Variants in ATP2A3 observed in about 807,000 individuals in gnomAD.
The protein encoded by ATP2A3 is ATPase sarcoplasmic/endoplasmic reticulum Ca2+ transporting 3.
A neutral mutation model predicts 106.8 loss-of-function variants in ATP2A3; 61 were observed. That is an observed-to-expected ratio of 0.57 (90% CI 0.46 to 0.71). The LOEUF is 0.71. ATP2A3 is among the 30% of genes least tolerant of loss of function. ATP2A3 has a pLI of 0.00. For missense variants in ATP2A3, 1,201 were observed against 1,423.5 expected, an observed-to-expected ratio of 0.84 and a Z score of 2.52; for synonymous variants, 611 against 609.3, an observed-to-expected ratio of 1.00 and a Z score of -0.04.
chr17:3,941,594 G>A lies in ATP2A3; in HGVS notation c.1606C>T (p.Pro536Ser), dbSNP rs777441630. The A allele has an allele frequency of 9.5e-5, 154 of 1,612,636 alleles. No individual in the cohort carries two copies. Among genetic ancestry groups the A allele is most frequent in the Non-Finnish European group, 1.2e-4 (139 of 1,180,026 alleles). The change falls in exon 13 of 21, where the codon CCC becomes TCC. Residue 536 changes from proline to serine, a missense_variant. Transcript: ENST00000397041. ...SSVRVGSRTA[P>S]LTPTSREQIL... ...TGCTCCCTGGAGGTGGGGGTCAGGG[G>A]TGCTGTGCGGCTCCCCACGCGGACT...
chr17:3,924,786 T>C lies in ATP2A3; in HGVS notation c.*636A>G, dbSNP rs775180868. ...CTCCTTGTGTCCGTCTCTCTGACCCTTCACCCGCCCGGGCCCTGCACATAT... is the reference window on the plus strand; with the variant it reads ...CTCCTTGTGTCCGTCTCTCTGACCCCTCACCCGCCCGGGCCCTGCACATAT... On this transcript the variant is annotated 3_prime_UTR_variant, in exon 21 of 21. Coordinates refer to ENST00000397041, the MANE Select transcript of ATP2A3 (RefSeq NM_005173.4). The surrounding 1 kb of genome is among the most constrained non-coding windows in gnomAD (Gnocchi z 6.4). 34 of 456,498 alleles carry C rather than the reference T, an allele frequency of 7.4e-5. No individual in the cohort carries two copies. The highest frequency in any genetic ancestry group is 1.4e-4 in the Admixed American group (6 of 42,548). The allele number at this position is 456,498 out of a possible 1,614,324, so 28.3% of individuals were successfully genotyped here. A position where few individuals can be genotyped will look rare whatever the true frequency, so the allele number is the denominator to read the frequency against.
rs1475848096 is a variant in ATP2A3, at chr17:3,964,403, A to G, written c.-112T>C. The G allele has an allele frequency of 1.2e-5, 6 of 485,724 alleles. No homozygotes were observed. The highest frequency in any genetic ancestry group is 5.6e-6 in the Non-Finnish European group (2 of 359,996). 30.1% of individuals were successfully genotyped at this position (485,724 alleles called of 1,614,324 possible). On this transcript the variant is annotated 5_prime_UTR_variant, in exon 1 of 21. It removes an upstream start codon present in the reference 5' UTR. Transcript: ENST00000397041. ...GCCCGGGCGGGCGCCGCGCGAGGCCATGTCCGTGCTGGGACCTTACCCGAC... is the reference window on the plus strand; with the variant it reads ...GCCCGGGCGGGCGCCGCGCGAGGCCGTGTCCGTGCTGGGACCTTACCCGAC...
Position 3,924,792 on chromosome 17 carries a change from C to G in ATP2A3, c.*630G>C, listed in dbSNP as rs1043246. On this transcript the variant is annotated 3_prime_UTR_variant, in exon 21 of 21. Coordinates refer to ENST00000397041, the MANE Select transcript of ATP2A3 (RefSeq NM_005173.4). This position sits in a 1 kb window ranked among gnomAD's most constrained non-coding sequence, Gnocchi z 6.4. ...GTGTCCGTCTCTCTGACCCTTCACC[C>G]GCCCGGGCCCTGCACATATAAACAG... 82,714 of 456,482 alleles carry G rather than the reference C, an allele frequency of 0.18. 9,763 individuals carry two copies. The highest frequency in any genetic ancestry group is 0.46 in the East Asian group (6,652 of 14,354). 28.3% of individuals were successfully genotyped at this position (456,482 alleles called of 1,614,324 possible). A position where few individuals can be genotyped will look rare whatever the true frequency, so the allele number is the denominator to read the frequency against.
Position 3,964,362 on chromosome 17 carries a change from G to T in ATP2A3, c.-71C>A. 3 of 908,840 alleles carry T rather than the reference G, an allele frequency of 3.3e-6. No individual in the cohort carries two copies. Among genetic ancestry groups the T allele is most frequent in the Non-Finnish European group, 4.1e-6 (3 of 733,684 alleles). The allele number at this position is 908,840 out of a possible 1,614,324, so 56.3% of individuals were successfully genotyped here. On this transcript the variant is annotated 5_prime_UTR_variant, in exon 1 of 21. Coordinates refer to ENST00000397041, the MANE Select transcript of ATP2A3 (RefSeq NM_005173.4). The stretch of plus-strand genomic sequence containing the variant: ...TCTCCGCCGGGGGGCTACAAAGCGG[G>T]GCGCGGGGGACTCGGGCCCGGGCGG...
Position 3,925,513 on chromosome 17 carries a change from C to A in ATP2A3, c.2981-72G>T. The A allele has an allele frequency of 6.5e-7, 1 of 1,543,862 alleles. No homozygotes were observed. Among genetic ancestry groups the A allele is most frequent in the Non-Finnish European group, 8.8e-7 (1 of 1,139,884 alleles). On this transcript the variant is annotated intron_variant, in intron 20 of 20. Coordinates refer to ENST00000397041, the MANE Select transcript of ATP2A3 (RefSeq NM_005173.4). The surrounding 1 kb of genome is among the most constrained non-coding windows in gnomAD (Gnocchi z 4.2). Reference sequence around the variant, plus strand: ...CACATCCAGACAGCTTCCTTCCAGCCCCTTCCATCCTCCACTTCTCCCAGG... The same window carrying A: ...CACATCCAGACAGCTTCCTTCCAGCACCTTCCATCCTCCACTTCTCCCAGG...
intron 12 of ATP2A3, 63 bp from the exon 13 acceptor site, chr17:3,941,717 C>T (rs2053791026): frequency 2.5e-5 from 39 of 1,544,954 alleles, no homozygotes; most frequent in Non-Finnish European, 3.3e-5. Context: ...CTCCTTCCTG[C>T]CCAAACTCAG....
rs186703486 is a variant in ATP2A3, at chr17:3,948,440, A to T, written c.631-585T>A. Among the ~76,000 whole-genome samples, 12 of 152,252 alleles carry T rather than the reference A, an allele frequency of 7.9e-5. 1 individual carries two copies. Among genetic ancestry groups the T allele is most frequent in the African/African-American group, 2.9e-4 (12 of 41,552 alleles). On this transcript the variant is annotated intron_variant, in intron 7 of 20. Transcript: ENST00000397041. ...AAGAACCTGGTGCCCCTTCAAATGC[A>T]TATGCTGTTGGGGCTGGCGAGAAGG... is the stretch of plus-strand genomic sequence containing the variant.
rs1386503334 is a variant in ATP2A3 at position 3,936,742 on chromosome 17, A to ACACACACACACACACG, written c.2322-274_2322-273insCGTGTGTGTGTGTGTG. ...CAAGTACACACACACACACACACAC[A>ACACACACACACACACG]CACACACACACACGCACACGAAGAG... is the stretch of plus-strand genomic sequence containing the variant. On this transcript the variant is annotated intron_variant, in intron 15 of 20. Transcript: ENST00000397041. The surrounding 1 kb of genome is among the most constrained non-coding windows in gnomAD (Gnocchi z 5.4). The ACACACACACACACACG allele has an allele frequency of 1.0e-5, 5 of 499,928 alleles. No individual in the cohort carries two copies. Among genetic ancestry groups the ACACACACACACACACG allele is most frequent in the Non-Finnish European group, 1.8e-5 (5 of 273,284 alleles). The allele number at this position is 499,928 out of a possible 1,614,324, so 31.0% of individuals were successfully genotyped here.
rs202180297 is a variant in ATP2A3, at chr17:3,950,679, G to C, written c.544+14C>G. ...CTGGCCCACTAGGTCCCGGCCTCCTGGGGGGGGCCTCACCCGTCAGGATGG... is the reference window on the plus strand; with the variant it reads ...CTGGCCCACTAGGTCCCGGCCTCCTCGGGGGGGCCTCACCCGTCAGGATGG... On this transcript the variant is annotated intron_variant, in intron 6 of 20. Transcript: ENST00000397041. 1.3e-5 allele frequency: 21 copies of C among 1,610,102 alleles called. No homozygotes were observed. Among genetic ancestry groups the C allele is most frequent in the South Asian group, 3.3e-5 (3 of 90,816 alleles).
At chr17:3,958,887 C>CACACATAT (rs1354215003) in intron 1 of ATP2A3, among the ~76,000 whole-genome samples, 1,473 of 99,900 alleles carry the variant, frequency 0.015, 172 homozygotes, top group African/African-American at 0.065. Context: ...CACACACACA[C>CACACATAT]ATATATATAT....
chr17:3,951,661 C>T lies in ATP2A3; in HGVS notation c.244G>A (p.Glu82Lys), dbSNP rs763249532. 148 of 1,610,570 alleles carry T rather than the reference C, an allele frequency of 9.2e-5. No homozygotes were observed. Among genetic ancestry groups the T allele is most frequent in the Admixed American group, 5.0e-4 (30 of 59,722 alleles). Residue 82 changes from glutamate to lysine, a missense_variant, in exon 4 of 21, where the codon GAG (glutamate) becomes AAG (lysine). Glu to Lys is a moderately conservative substitution (Grantham distance 56). Coordinates refer to ENST00000397041, the MANE Select transcript of ATP2A3 (RefSeq NM_005173.4). ...SFVLAWFEEG[E>K]ETTTAFVEPL... ...TCCACGAAGGCGGTCGTGGTCTCCT[C>T]GCCCTCCTCGAACCAGGCCAGGACC...
chr17:3,931,086 G>A (rs2053053544), intron 17 of ATP2A3, among the ~76,000 whole-genome samples: 1 of 151,622 alleles, frequency 6.6e-6, no homozygotes, highest in Non-Finnish European at 1.5e-5. Context: ...GTTGTAGTGA[G>A]CAGAGATCGC....
chr17:3,951,819 G>C, intron 3 of ATP2A3, 134 bp from the exon 4 acceptor site: 1 of 922,694 alleles, frequency 1.1e-6, no homozygotes, highest in Non-Finnish European at 1.7e-6. Flanking sequence ...GGCTTGGAGA[G>C]GGCCACTCCT....
intron 20 of ATP2A3, chr17:3,927,933 G>A: frequency 6.2e-7 from 1 of 1,610,852 alleles, no homozygotes; most frequent in Non-Finnish European, 8.5e-7. Flanking sequence ...CAGCAGTCCA[G>A]CCATACGGCC....
chr17:3,930,597 G>A lies in ATP2A3; in HGVS notation c.2611-163C>T, dbSNP rs35610608. On this transcript the variant is annotated intron_variant, in intron 17 of 20. Coordinates refer to ENST00000397041, the MANE Select transcript of ATP2A3 (RefSeq NM_005173.4). The surrounding 1 kb of genome is among the most constrained non-coding windows in gnomAD (Gnocchi z 5.4). ...GGGATCCCGGGAGGGGTGCGGGGTC[G>A]GGGCGGCGGTGGGGAGAGCTGCACC... The A allele has an allele frequency of 0.022, 21,879 of 981,214 alleles. 681 individuals carry two copies. Among genetic ancestry groups the A allele is most frequent in the Middle Eastern group, 0.042 (132 of 3,164 alleles). The allele number at this position is 981,214 out of a possible 1,614,324, so 60.8% of individuals were successfully genotyped here.
At chr17:3,954,622 G>A (rs1008892160) in intron 1 of ATP2A3, among the ~76,000 whole-genome samples, 2 of 151,570 alleles carry the variant, frequency 1.3e-5, no homozygotes, top group African/African-American at 2.4e-5. Flanking sequence ...TTAGCCTCCT[G>A]AGTAGCTGGG....
rs10153291 is a variant in ATP2A3 at position 3,930,446 on chromosome 17, G to A, written c.2611-12C>T. On this transcript the variant is annotated splice_polypyrimidine_tract_variant and intron_variant, in intron 17 of 20. Coordinates refer to ENST00000397041, the MANE Select transcript of ATP2A3 (RefSeq NM_005173.4). This position sits in a 1 kb window ranked among gnomAD's most constrained non-coding sequence, Gnocchi z 5.4. ...TTCAGGAAGTTCCTCTGGGGGCACC[G>A]TGGCAGGTCAGAGAGAGCGGCAGGT... 0.14 allele frequency: 226,852 copies of A among 1,613,344 alleles called. 16,977 individuals carry two copies. The highest frequency in any genetic ancestry group is 0.23 in the African/African-American group (16,907 of 75,006).
intron 4 of ATP2A3, 38 bp downstream of exon 4, chr17:3,951,543 A>ACCCCCCCCCCCCC (rs56224024): frequency 1.2e-4 from 171 of 1,388,580 alleles, no homozygotes; most frequent in Admixed American, 1.6e-4. Flanking sequence ...TGGCTGGGAG[A>ACCCCCCCCCCCCC]CCGCCCCCCG....
At position 3,924,550 on chromosome 17, in the gene ATP2A3, C is replaced by G. The variant is rs1013214493; in HGVS notation, c.*872G>C. ...GGTAGAAGGGCGCCACGGTCAGGAACCTGAGGATGTCGGTGGTCTCAGGTA... is the reference window on the plus strand; with the variant it reads ...GGTAGAAGGGCGCCACGGTCAGGAAGCTGAGGATGTCGGTGGTCTCAGGTA... On this transcript the variant is annotated 3_prime_UTR_variant, in exon 21 of 21. Transcript: ENST00000397041. This position sits in a 1 kb window ranked among gnomAD's most constrained non-coding sequence, Gnocchi z 6.4. 1.4e-5 allele frequency: 5 copies of G among 347,978 alleles called. No homozygotes were observed. The highest frequency in any genetic ancestry group is 8.1e-5 in the East Asian group (1 of 12,316). 21.6% of individuals were successfully genotyped at this position (347,978 alleles called of 1,614,324 possible). A position where few individuals can be genotyped will look rare whatever the true frequency, so the allele number is the denominator to read the frequency against.
Sources: allele counts gnomAD v4.1 joint callset (sites outside exome capture counted in the v4.1 genomes callset), GRCh38; gene constraint gnomAD v4.1.1; non-coding constraint Gnocchi (gnomAD v3.1); transcripts MANE v1.5; gene names NCBI Gene and HGNC (gene_info 2026-07-23, HGNC 2026-07-21).